Variants in EIF4G3 observed in about 807,000 individuals in gnomAD.
EIF4G3 encodes the protein eukaryotic translation initiation factor 4 gamma 3.
EIF4G3 carries 34 observed loss-of-function variants against 186.4 expected under a neutral mutation model. The observed-to-expected ratio is 0.18, with a 90% CI of 0.14 to 0.24. EIF4G3 has a LOEUF of 0.24. EIF4G3 is among the 10% of genes least tolerant of loss of function. The pLI is 1.00. For missense variants in EIF4G3, 1,536 were observed against 1,948.5 expected, an observed-to-expected ratio of 0.79 and a Z score of 3.99; for synonymous variants, 673 against 679.5, an observed-to-expected ratio of 0.99 and a Z score of 0.15.
chr1:20,976,049 C>T (rs1210578053), intron 10 of EIF4G3, among the ~76,000 whole-genome samples: 1 of 151,710 alleles, frequency 6.6e-6, no homozygotes, highest in Non-Finnish European at 1.5e-5. Flanking sequence ...GTTCCCAAAC[C>T]TCAGTCTATA....
intron 2 of EIF4G3, chr1:21,175,297 T>A (rs1465141747): frequency 6.6e-6 from 1 of 152,218 alleles, no homozygotes; most frequent in African/African-American, 2.4e-5. Context: ...CCAAGTCTTT[T>A]CAATCAAAGC....
chr1:20,908,813 CA>C (rs2092708499), intron 14 of EIF4G3, among the ~76,000 whole-genome samples: 1 of 152,018 alleles, frequency 6.6e-6, no homozygotes, highest in African/African-American at 2.4e-5. Context: ...TTATAAAACC[CA>C]CATGTGTTTT....
chr1:21,131,642 T>C (rs147019038), intron 2 of EIF4G3, among the ~76,000 whole-genome samples: 322 of 152,218 alleles, frequency 2.1e-3, no homozygotes, highest in African/African-American at 7.3e-3. Context: ...ACAGCAGACC[T>C]TGTGAGAAGC....
At chr1:20,846,063 C>T (rs775329885) in intron 29 of EIF4G3, among the ~76,000 whole-genome samples, 9 of 152,110 alleles carry the variant, frequency 5.9e-5, no homozygotes, top group Non-Finnish European at 1.3e-4. Flanking sequence ...CTTTTTGTGG[C>T]AATTGTGAAT....
chr1:20,885,062 T>C (rs561674284), intron 19 of EIF4G3, among the ~76,000 whole-genome samples: 3 of 152,294 alleles, frequency 2.0e-5, no homozygotes, highest in Admixed American at 1.3e-4. Context: ...GTTCCACTCC[T>C]ATGAGAATCT....
chr1:21,078,758 G>A (rs746832055), intron 3 of EIF4G3, among the ~76,000 whole-genome samples: 4 of 152,194 alleles, frequency 2.6e-5, no homozygotes, highest in Non-Finnish European at 5.9e-5. Context: ...GCCAAAGCAG[G>A]TGGATCACTT....
rs536499727 is a variant in EIF4G3, at chr1:21,111,589, A to C, written c.-271-22376T>G. 9.2e-4 allele frequency: 255 copies of C among 276,556 alleles called. 1 individual carries two copies. The highest frequency in any genetic ancestry group is 5.2e-3 in the African/African-American group (236 of 45,656). 17.1% of individuals were successfully genotyped at this position (276,556 alleles called of 1,614,324 possible). The stretch of plus-strand genomic sequence containing the variant: ...AACTTCATTCTTTAGAGCTTAGAAA[A>C]GCTACAATAAAATATTATTACAAGG... On this transcript the variant is annotated intron_variant, in intron 2 of 36. Transcript: ENST00000602326.
chr1:21,175,326 C>T (rs2098081182), intron 2 of EIF4G3: 1 of 152,186 alleles, frequency 6.6e-6, no homozygotes, highest in Admixed American at 6.5e-5. Context: ...ATTCTACAAT[C>T]GAGCAAATAA....
chr1:20,838,322 A>T (rs1346481601), intron 30 of EIF4G3, among the ~76,000 whole-genome samples: 1 of 152,156 alleles, frequency 6.6e-6, no homozygotes, highest in Non-Finnish European at 1.5e-5. Flanking sequence ...GAAAATGGTA[A>T]ATGATAATTT....
intron 14 of EIF4G3, among the ~76,000 whole-genome samples, chr1:20,910,324 G>A (rs1369402082): frequency 9.2e-5 from 14 of 152,068 alleles, no homozygotes; most frequent in Admixed American, 9.2e-4. Context: ...GGTGGCTCCC[G>A]CCTGGAATCC....
chr1:20,983,955 C>T (rs1215104268), intron 7 of EIF4G3, among the ~76,000 whole-genome samples: 1 of 152,134 alleles, frequency 6.6e-6, no homozygotes, highest in African/African-American at 2.4e-5. Flanking sequence ...TTTCTTACCA[C>T]TATTTTCCAG....
At chr1:20,811,899 CTT>C (rs1346494889) in intron 35 of EIF4G3, among the ~76,000 whole-genome samples, 9 of 152,100 alleles carry the variant, frequency 5.9e-5, no homozygotes, top group African/African-American at 1.7e-4. Flanking sequence ...TAAAGTGACA[CTT>C]AATACAAATC....
intron 32 of EIF4G3, among the ~76,000 whole-genome samples, chr1:20,826,723 C>T (rs2063753720): frequency 6.6e-6 from 1 of 150,668 alleles, no homozygotes; most frequent in Non-Finnish European, 1.5e-5. Context: ...CTCTTAACCT[C>T]GTGATCTGCC....
intron 2 of EIF4G3, chr1:21,168,052 T>A (rs1017712470): frequency 6.4e-6 from 3 of 470,406 alleles, no homozygotes; most frequent in Non-Finnish European, 1.3e-5. Flanking sequence ...AGAAAAGCAT[T>A]CCAAATAAAC....
intron 11 of EIF4G3, among the ~76,000 whole-genome samples, chr1:20,972,042 A>T (rs980184659): frequency 6.6e-6 from 1 of 151,926 alleles, no homozygotes; most frequent in Admixed American, 6.6e-5. Context: ...TAAAAAGATC[A>T]CCCATTTTGT....
Position 20,864,589 on chromosome 1 carries a change from TGGCTTCA to T in EIF4G3, c.2886_2892del (p.Glu963SerfsTer7). 1 of 1,614,198 alleles carries T rather than the reference TGGCTTCA, an allele frequency of 6.2e-7. No homozygotes were observed. The highest frequency in any genetic ancestry group is 8.5e-7 in the Non-Finnish European group (1 of 1,180,038). On this transcript the variant is annotated frameshift_variant, in exon 22 of 37. Transcript: ENST00000602326. LOFTEE classifies it high-confidence loss of function. Reference sequence around the variant, plus strand: ...AGCTTCACCACACAGTCATGCATGATGGCTTCAGTCAGCATTTTGAGTTTAAAGAGTT... The same window carrying T: ...AGCTTCACCACACAGTCATGCATGATGTCAGCATTTTGAGTTTAAAGAGTT...
chr1:21,083,458 G>A (rs1290244118), intron 3 of EIF4G3, among the ~76,000 whole-genome samples: 2 of 149,938 alleles, frequency 1.3e-5, no homozygotes, highest in African/African-American at 4.9e-5. Flanking sequence ...GATTACAGGC[G>A]TCAGCCACCA....
At position 21,076,653 on chromosome 1, in the gene EIF4G3, T is replaced by C. The variant is rs963377739; in HGVS notation, c.-196+12485A>G. On this transcript the variant is annotated intron_variant, in intron 3 of 36. Transcript: ENST00000602326. ...AACAAATCCATTTATTTATAGCCAA[T>C]TCATTTTTTTAAGGGTGCCAAGAAT... Among the ~76,000 whole-genome samples, 128 of 152,076 alleles carry C rather than the reference T, an allele frequency of 8.4e-4. 1 individual carries two copies. Among genetic ancestry groups the C allele is most frequent in the Non-Finnish European group, 1.4e-3 (96 of 68,012 alleles).
intron 2 of EIF4G3, among the ~76,000 whole-genome samples, chr1:21,128,894 G>C (rs2097099640): frequency 6.6e-6 from 1 of 152,130 alleles, no homozygotes. Flanking sequence ...CACTTTAAAA[G>C]GAGAAAAGGC....
Sources: allele counts gnomAD v4.1 joint callset (sites outside exome capture counted in the v4.1 genomes callset), GRCh38; gene constraint gnomAD v4.1.1; transcripts MANE v1.5; gene names NCBI Gene and HGNC (gene_info 2026-07-23, HGNC 2026-07-21).